Variants in OCRL observed in about 807,000 individuals in gnomAD.
OCRL encodes the protein inositol polyphosphate 5-phosphatase OCRL.
In OCRL, 8 loss-of-function variants were observed where a neutral mutation model predicts 78.9. That is an observed-to-expected ratio of 0.10 (90% CI 0.06 to 0.18). The LOEUF (loss-of-function observed/expected upper bound fraction) is 0.18. Among genes scored for constraint, OCRL ranks in the 10% least tolerant of loss-of-function variants. The pLI, the probability that OCRL is intolerant of heterozygous loss-of-function variation, is 1.00. For missense variants in OCRL, 454 were observed against 696.7 expected, an observed-to-expected ratio of 0.65 and a Z score of 3.92; for synonymous variants, 240 against 235.4, an observed-to-expected ratio of 1.02 and a Z score of -0.18.
chrX:129,561,301 G>A lies in OCRL; in HGVS notation c.939+8G>A, dbSNP rs369386155. 47 of 1,064,609 alleles carry A rather than the reference G, an allele frequency of 4.4e-5. No homozygotes were observed. The highest frequency in any genetic ancestry group is 4.4e-4 in the Admixed American group (20 of 45,454). 87.7% of individuals were successfully genotyped at this position (1,064,609 alleles called of 1,213,427 possible). ...AAAGCCAAGTATAAGAAAGTAAGCC[G>A]CATTTAATTATCTTTTTAAGTGTAT... On this transcript the variant is annotated splice_region_variant and intron_variant, in intron 10 of 23. Transcript: ENST00000371113.
At chrX:129,560,744 C>G in intron 9 of OCRL, 93 bp downstream of exon 9, 1 of 582,937 alleles carries the variant, frequency 1.7e-6, no homozygotes, top group Non-Finnish European at 2.9e-6. Flanking sequence ...GTTGGTAAAA[C>G]CTACTGTAGA....
At chrX:129,567,699 G>T (rs1404486095) in intron 14 of OCRL, among the ~76,000 whole-genome samples, 3 of 107,440 alleles carry the variant, frequency 2.8e-5, no homozygotes, top group African/African-American at 1.1e-4. Flanking sequence ...ACCTGTTCTG[G>T]CTATTTTTTT....
intron 18 of OCRL, among the ~76,000 whole-genome samples, chrX:129,581,121 T>TGA (rs1936433912): frequency 8.9e-6 from 1 of 112,844 alleles, no homozygotes; most frequent in South Asian, 3.6e-4. Context: ...CGCCTCAGCT[T>TGA]CCCAAGGTGC....
chrX:129,562,800 T>C lies in OCRL; in HGVS notation c.1244+14T>C. 1 of 1,201,684 alleles carries C rather than the reference T, an allele frequency of 8.3e-7. No homozygotes were observed. The highest frequency in any genetic ancestry group is 1.1e-6 in the Non-Finnish European group (1 of 886,288). On this transcript the variant is annotated intron_variant, in intron 12 of 23. Coordinates refer to ENST00000371113, the MANE Select transcript of OCRL (RefSeq NM_000276.4). ...CATGAAACATGAGTAAGTGGTTAAC[T>C]CACCTGTAGCCTTTGAGTAGTGGCT...
intron 3 of OCRL, among the ~76,000 whole-genome samples, chrX:129,547,840 A>G (rs895090948): frequency 8.9e-6 from 1 of 111,838 alleles, no homozygotes; most frequent in Non-Finnish European, 1.9e-5. Context: ...GTCAGTACCC[A>G]GAGTTCAATT....
chrX:129,558,250 CAACTCTG>C (rs1936090350), intron 6 of OCRL, among the ~76,000 whole-genome samples: 1 of 111,907 alleles, frequency 8.9e-6, no homozygotes, highest in Non-Finnish European at 1.9e-5. Context: ...AGTTACTCAA[CAACTCTG>C]AACTTCCCTT....
intron 4 of OCRL, among the ~76,000 whole-genome samples, chrX:129,552,119 G>T (rs1418346500): frequency 3.6e-5 from 4 of 112,071 alleles, no homozygotes; most frequent in Admixed American, 9.4e-5. Context: ...TTATGCTGGG[G>T]TGTCATCATT....
In OCRL at chrX:129,567,288, T is replaced by C. The variant is rs372398222; in HGVS notation, c.1391T>C (p.Val464Ala). ...CAGCGCACACAGAAAAAAGCTTTTG[T>C]TGACTTCAATGAAGGGGAAATCAAG... The part of the protein sequence containing the change: ...NIQRTQKKAF[V>A]DFNEGEIKFI... Residue 464 changes from valine to alanine, a missense_variant, in exon 14 of 24, where the codon GTT (valine) becomes GCT (alanine). Coordinates refer to ENST00000371113, the MANE Select transcript of OCRL (RefSeq NM_000276.4). 1.7e-5 allele frequency: 21 copies of C among 1,207,917 alleles called. No homozygotes were observed. The African/African-American group carries it at 3.5e-4, about 20-fold the overall frequency.
At chrX:129,547,534 A>AAAG (rs965565597) in intron 3 of OCRL, among the ~76,000 whole-genome samples, 1 of 109,211 alleles carries the variant, frequency 9.2e-6, no homozygotes, top group African/African-American at 3.3e-5. Context: ...CAAAAAAAAA[A>AAAG]AAAAAAAAAG....
At chrX:129,559,261 A>G (rs1264390108) in intron 8 of OCRL, among the ~76,000 whole-genome samples, 1 of 111,299 alleles carries the variant, frequency 9.0e-6, no homozygotes, top group Admixed American at 9.5e-5. Context: ...GAGAGCAGAT[A>G]GATCATGGCT....
At chrX:129,546,700 T>C (rs748755110) in intron 3 of OCRL, among the ~76,000 whole-genome samples, 1 of 111,828 alleles carries the variant, frequency 8.9e-6, no homozygotes, top group East Asian at 2.8e-4. Flanking sequence ...GACTTTAAAT[T>C]AATATCCTAT....
chrX:129,569,773 G>T (rs1185681903), intron 15 of OCRL, among the ~76,000 whole-genome samples: 1 of 109,364 alleles, frequency 9.1e-6, no homozygotes, highest in Non-Finnish European at 1.9e-5. Flanking sequence ...GGCACAGACT[G>T]ATCAGAATAC....
chrX:129,581,738 TG>T (rs2124423472), intron 18 of OCRL, among the ~76,000 whole-genome samples: 2 of 103,406 alleles, frequency 1.9e-5, no homozygotes, highest in Admixed American at 1.1e-4. Context: ...TGTGTGTGTG[TG>T]TGTGTGTGTG....
At chrX:129,549,042 T>C (rs757480046) in intron 4 of OCRL, among the ~76,000 whole-genome samples, 41 of 111,424 alleles carry the variant, frequency 3.7e-4, no homozygotes, top group Non-Finnish European at 5.1e-4. Context: ...ATATTTTCCT[T>C]TATTTGTTGT....
intron 23 of OCRL, 40 bp downstream of exon 23, chrX:129,589,996 T>C: frequency 8.8e-7 from 1 of 1,130,497 alleles, no homozygotes; most frequent in Non-Finnish European, 1.2e-6. Flanking sequence ...TTGTTGAGAA[T>C]ACTCTTAGTG....
chrX:129,563,815 C>T (rs772784114), intron 12 of OCRL, among the ~76,000 whole-genome samples: 129 of 110,537 alleles, frequency 1.2e-3, no homozygotes, highest in African/African-American at 4.2e-3. Context: ...TAGGCATGGG[C>T]AAGGACTTCA....
At chrX:129,587,869 T>C (rs1004899169) in intron 20 of OCRL, among the ~76,000 whole-genome samples, 2 of 109,694 alleles carry the variant, frequency 1.8e-5, no homozygotes, top group African/African-American at 6.6e-5. Flanking sequence ...ACCCCATCTC[T>C]ATAAAAAAAA....
chrX:129,589,257 C>A, intron 22 of OCRL: 1 of 387,575 alleles, frequency 2.6e-6, no homozygotes, highest in Non-Finnish European at 4.6e-6. Flanking sequence ...GGGGTGGATC[C>A]CTCTACTCTG....
intron 3 of OCRL, among the ~76,000 whole-genome samples, chrX:129,548,013 G>A (rs1217493035): frequency 5.4e-5 from 6 of 111,914 alleles, no homozygotes; most frequent in African/African-American, 1.3e-4. Context: ...TGTTTGGTAC[G>A]GAGGGCCTTG....
Sources: gnomAD v4.1 joint callset for allele counts (sites outside exome capture counted in the v4.1 genomes callset) on GRCh38, gnomAD v4.1.1 for gene constraint, MANE v1.5 for transcripts, NCBI Gene and HGNC (gene_info 2026-07-23, HGNC 2026-07-21) for gene names.